Variants in GALNT17 observed in about 807,000 individuals in gnomAD.
GALNT17 encodes UDP-GalNAc:polypeptide N-acetylgalactosaminyltransferase-like 3.
Under a neutral mutation model 63.7 loss-of-function variants are expected in GALNT17, and 29 were observed. The ratio of observed to expected loss-of-function variants is 0.46; its 90% CI spans 0.34 to 0.62. The LOEUF (loss-of-function observed/expected upper bound fraction) is 0.62, where lower values mean the gene tolerates loss of function less well. Among genes scored for constraint, GALNT17 ranks in the 20% least tolerant of loss-of-function variants. GALNT17 has a pLI of 0.01. For missense variants in GALNT17, 603 were observed against 799.6 expected (o/e 0.75, Z 2.97); for synonymous variants, 305 against 318.3 (o/e 0.96, Z 0.45).
chr7:71,675,000 A>G (rs991249191), intron 8 of GALNT17, among the ~76,000 whole-genome samples: 1 of 151,822 alleles, frequency 6.6e-6, no homozygotes, highest in African/African-American at 2.4e-5. Context: ...CCTGGCCAAT[A>G]TGGTGAAACC....
At chr7:71,198,579 G>C (rs549315561) in intron 1 of GALNT17, among the ~76,000 whole-genome samples, 2 of 152,350 alleles carry the variant, frequency 1.3e-5, no homozygotes, top group South Asian at 4.1e-4. Flanking sequence ...GCTGACACTA[G>C]CTGACGCTAG....
chr7:71,455,213 C>A (rs1787332872), intron 5 of GALNT17, among the ~76,000 whole-genome samples: 1 of 151,174 alleles, frequency 6.6e-6, no homozygotes, highest in Non-Finnish European at 1.5e-5. Context: ...CATGTTGAAA[C>A]CATCAAAGGG....
chr7:71,680,525 T>TCAA, intron 9 of GALNT17, among the ~76,000 whole-genome samples: 1 of 36,080 alleles, frequency 2.8e-5, no homozygotes, highest in African/African-American at 7.0e-5. Flanking sequence ...CCTCTCTCCC[T>TCAA]TCCTCCCTCC....
At chr7:71,565,961 A>G (rs529424495) in intron 5 of GALNT17, among the ~76,000 whole-genome samples, 1 of 149,810 alleles carries the variant, frequency 6.7e-6, no homozygotes, top group East Asian at 2.0e-4. Context: ...CTCTTGCCTC[A>G]GCCTCCCGAG....
chr7:71,556,780 G>A (rs1789171249), intron 5 of GALNT17, among the ~76,000 whole-genome samples: 1 of 152,028 alleles, frequency 6.6e-6, no homozygotes, highest in Admixed American at 6.6e-5. Flanking sequence ...TGGCCAGGCT[G>A]GTCTTGAACT....
chr7:71,461,613 G>A (rs187783040), intron 5 of GALNT17, among the ~76,000 whole-genome samples: 8 of 152,300 alleles, frequency 5.3e-5, no homozygotes, highest in South Asian at 4.1e-4. Context: ...TCAGTAGGGT[G>A]TAAACATACA....
chr7:71,270,922 T>C (rs1790576032), intron 1 of GALNT17, among the ~76,000 whole-genome samples: 1 of 146,986 alleles, frequency 6.8e-6, no homozygotes, highest in Non-Finnish European at 1.5e-5. Flanking sequence ...TCATCTTATC[T>C]GACCTTATTT....
At chr7:71,369,670 C>T (rs9638625) in intron 2 of GALNT17, among the ~76,000 whole-genome samples, 37,452 of 151,618 alleles carry the variant, frequency 0.25, 4,877 homozygotes, top group East Asian at 0.45. Context: ...ACAGTTAGCC[C>T]GGTGTCATGG....
intron 1 of GALNT17, among the ~76,000 whole-genome samples, chr7:71,176,025 T>C (rs968715379): frequency 2.0e-5 from 3 of 152,102 alleles, no homozygotes; most frequent in Non-Finnish European, 4.4e-5. Context: ...TCTGTAGTCA[T>C]TTGAAGCCTG....
intron 1 of GALNT17, among the ~76,000 whole-genome samples, chr7:71,247,592 G>A (rs1790122689): frequency 6.6e-6 from 1 of 152,164 alleles, no homozygotes; most frequent in African/African-American, 2.4e-5. Context: ...GAGCAGCTGG[G>A]ATTACAGGCA....
chr7:71,560,956 G>A (rs1789245549), intron 5 of GALNT17, among the ~76,000 whole-genome samples: 1 of 152,190 alleles, frequency 6.6e-6, no homozygotes, highest in African/African-American at 2.4e-5. Context: ...TTAGGAGATG[G>A]TGTAAAAGAA....
At chr7:71,381,545 G>A (rs1792847445) in intron 2 of GALNT17, among the ~76,000 whole-genome samples, 1 of 152,116 alleles carries the variant, frequency 6.6e-6, no homozygotes, top group African/African-American at 2.4e-5. Flanking sequence ...TTGAGAGGCC[G>A]AGGCGGGCGG....
intron 5 of GALNT17, among the ~76,000 whole-genome samples, chr7:71,528,696 G>A (rs1014348962): frequency 1.8e-4 from 27 of 152,100 alleles, no homozygotes; most frequent in African/African-American, 6.5e-4. Context: ...TGACCAAAAC[G>A]GGTGCACCAA....
At chr7:71,300,452 G>T in intron 1 of GALNT17, 1 of 456,106 alleles carries the variant, frequency 2.2e-6, no homozygotes, top group Admixed American at 2.4e-5. Flanking sequence ...GATCTTTTCA[G>T]AATCACTGAC....
chr7:71,162,032 T>G (rs1788350309), intron 1 of GALNT17, among the ~76,000 whole-genome samples: 1 of 138,578 alleles, frequency 7.2e-6, no homozygotes, highest in Non-Finnish European at 1.6e-5. Flanking sequence ...TTCTTTCTCT[T>G]TCCCTCCCTC....
intron 1 of GALNT17, among the ~76,000 whole-genome samples, chr7:71,276,987 G>A (rs1383950595): frequency 2.6e-5 from 4 of 152,134 alleles, no homozygotes; most frequent in African/African-American, 7.2e-5. Flanking sequence ...GACAGAGCAA[G>A]ACTCCATCTC....
chr7:71,264,212 C>T (rs1465202250), intron 1 of GALNT17, among the ~76,000 whole-genome samples: 1 of 152,174 alleles, frequency 6.6e-6, no homozygotes, highest in Non-Finnish European at 1.5e-5. Flanking sequence ...TGGACCTGCT[C>T]TCTAGGGGTT....
intron 8 of GALNT17, among the ~76,000 whole-genome samples, chr7:71,676,859 G>C (rs1450630746): frequency 6.6e-6 from 1 of 152,134 alleles, no homozygotes; most frequent in Non-Finnish European, 1.5e-5. Context: ...AAGCTTAGAA[G>C]CCACTTAGAA....
At chr7:71,683,737 C>T (rs1234748157) in intron 9 of GALNT17, among the ~76,000 whole-genome samples, 1 of 152,076 alleles carries the variant, frequency 6.6e-6, no homozygotes, top group Non-Finnish European at 1.5e-5. Flanking sequence ...GCTGGGCGCA[C>T]TGGCTCACGC....
Sources: gnomAD v4.1 joint callset for allele counts (sites outside exome capture counted in the v4.1 genomes callset) on GRCh38, gnomAD v4.1.1 for gene constraint, MANE v1.5 for transcripts, NCBI Gene and HGNC (gene_info 2026-07-23, HGNC 2026-07-21) for gene names.